Variants in SPAG16 observed in about 807,000 individuals in gnomAD.
The protein encoded by SPAG16 is sperm associated antigen 16.
Under a neutral mutation model 80.4 loss-of-function variants are expected in SPAG16, and 86 were observed. The ratio of observed to expected loss-of-function variants is 1.07; its 90% CI spans 0.90 to 1.28. SPAG16 has a LOEUF of 1.28. Ranked by LOEUF, SPAG16 falls within the 50% of genes most tolerant of loss-of-function variation. The pLI, the probability that SPAG16 is intolerant of heterozygous loss-of-function variation, is 0.00. For synonymous variants in SPAG16, 294 were observed against 265.9 expected, an observed-to-expected ratio of 1.11 and a Z score of -1.03; for missense variants, 870 against 765.3, an observed-to-expected ratio of 1.14 and a Z score of -1.61.
At chr2:213,528,203 T>C (rs900429120) in intron 10 of SPAG16, among the ~76,000 whole-genome samples, 20 of 152,050 alleles carry the variant, frequency 1.3e-4, no homozygotes, top group Admixed American at 5.9e-4. Context: ...TGGGTAATTT[T>C]CAGGATAGGT....
chr2:213,497,219 G>A (rs1013205532), intron 10 of SPAG16, among the ~76,000 whole-genome samples: 7 of 152,056 alleles, frequency 4.6e-5, no homozygotes, highest in Admixed American at 2.0e-4. Flanking sequence ...GAAGAAAGGT[G>A]TACAATATGC....
chr2:213,704,236 C>T (rs543190882), intron 10 of SPAG16, among the ~76,000 whole-genome samples: 1 of 152,206 alleles, frequency 6.6e-6, no homozygotes, highest in South Asian at 2.1e-4. Flanking sequence ...ATAATTTTCT[C>T]AAGTGTAAAG....
chr2:213,635,959 A>T (rs1444602137), intron 10 of SPAG16, among the ~76,000 whole-genome samples: 2 of 152,098 alleles, frequency 1.3e-5, no homozygotes, highest in African/African-American at 4.8e-5. Flanking sequence ...TTAATTAAGT[A>T]CCGTCTATTT....
In SPAG16 at chr2:213,976,135, T is replaced by TATATATACAC. The variant is rs749957411; in HGVS notation, c.1401-37815_1401-37814insTATATACACA. 3.0e-3 allele frequency among the ~76,000 whole-genome samples: 243 copies of TATATATACAC among 81,384 alleles called. 1 individual carries two copies. The highest frequency in any genetic ancestry group is 9.0e-3 in the African/African-American group (237 of 26,422). The allele number at this position is 81,384 out of a possible 152,430, so 53.4% of individuals were successfully genotyped here. On this transcript the variant is annotated intron_variant, in intron 12 of 15. Transcript: ENST00000331683. The stretch of plus-strand genomic sequence containing the variant: ...ATATATATATATATATATATATATA[T>TATATATACAC]ACACACACACACACACACACGTATG...
intron 10 of SPAG16, among the ~76,000 whole-genome samples, chr2:213,774,999 C>T (rs2069485692): frequency 6.6e-6 from 1 of 152,124 alleles, no homozygotes; most frequent in African/African-American, 2.4e-5. Context: ...TGTCTCGGCA[C>T]TACTGTATTG....
Position 214,080,630 on chromosome 2 carries a change from A to T in SPAG16, c.1528-27566A>T, listed in dbSNP as rs982722649. 4.5e-4 allele frequency among the ~76,000 whole-genome samples: 68 copies of T among 151,500 alleles called. 1 individual carries two copies. Among genetic ancestry groups the T allele is most frequent in the African/African-American group, 5.8e-4 (24 of 41,344 alleles). ...CTCAAAAAAAAAAAAAAATTAAAAT[A>T]AAATAAAAAGAAAAAAGAAAAATTC... On this transcript the variant is annotated intron_variant, in intron 13 of 15. Transcript: ENST00000331683.
intron 10 of SPAG16, among the ~76,000 whole-genome samples, chr2:213,777,674 T>G (rs1197920307): frequency 6.6e-6 from 1 of 152,130 alleles, no homozygotes; most frequent in African/African-American, 2.4e-5. Context: ...CCCAAAGTGT[T>G]GGGATTACAG....
At chr2:213,809,214 TG>T (rs2071967160) in intron 10 of SPAG16, among the ~76,000 whole-genome samples, 1 of 152,188 alleles carries the variant, frequency 6.6e-6, no homozygotes, top group African/African-American at 2.4e-5. Flanking sequence ...TTTGTGTGCT[TG>T]CCAATTATTA....
intron 15 of SPAG16, among the ~76,000 whole-genome samples, chr2:214,317,798 A>G (rs1695794041): frequency 6.6e-6 from 1 of 152,052 alleles, no homozygotes. Flanking sequence ...GTTGAGAAAA[A>G]TTTTTCCAGT....
At position 214,290,708 on chromosome 2, in the gene SPAG16, T is replaced by C. The variant is rs529925040; in HGVS notation, c.1721-119432T>C. ...TAGTTTCCAACGTTCCTCTTACTGA[T>C]TTCTAGTTTTACTCTATTGTAGTCT... On this transcript the variant is annotated intron_variant, in intron 15 of 15. Transcript: ENST00000331683. Among the ~76,000 whole-genome samples the C allele has an allele frequency of 9.1e-4, 139 of 152,334 alleles. 1 individual carries two copies. Among genetic ancestry groups the C allele is most frequent in the Non-Finnish European group, 1.6e-3 (111 of 68,022 alleles).
At chr2:213,543,732 C>T (rs2076527654) in intron 10 of SPAG16, among the ~76,000 whole-genome samples, 1 of 151,940 alleles carries the variant, frequency 6.6e-6, no homozygotes, top group Non-Finnish European at 1.5e-5. Context: ...TGAGCCTCCC[C>T]ACTTTCTTTG....
intron 10 of SPAG16, among the ~76,000 whole-genome samples, chr2:213,736,526 G>A (rs1302860419): frequency 6.6e-6 from 1 of 152,012 alleles, no homozygotes; most frequent in East Asian, 1.9e-4. Flanking sequence ...GACCTCAGAT[G>A]ATCCACCTGC....
At chr2:213,417,339 C>G (rs2069319584) in intron 9 of SPAG16, among the ~76,000 whole-genome samples, 1 of 152,208 alleles carries the variant, frequency 6.6e-6, no homozygotes, top group South Asian at 2.1e-4. Context: ...GCCAGGACTT[C>G]TGACAACTGT....
intron 9 of SPAG16, among the ~76,000 whole-genome samples, chr2:213,403,374 G>A (rs1002076200): frequency 6.6e-6 from 1 of 151,970 alleles, no homozygotes; most frequent in African/African-American, 2.4e-5. Context: ...CCATTCTGTC[G>A]GTTGCCTGTT....
At chr2:214,306,373 C>G (rs1394864691) in intron 15 of SPAG16, among the ~76,000 whole-genome samples, 3 of 152,150 alleles carry the variant, frequency 2.0e-5, no homozygotes, top group African/African-American at 7.2e-5. Context: ...TTATTTCTTT[C>G]TCTTCCCTGA....
At chr2:213,912,810 G>A (rs898244291) in intron 11 of SPAG16, among the ~76,000 whole-genome samples, 3 of 152,082 alleles carry the variant, frequency 2.0e-5, no homozygotes, top group Non-Finnish European at 4.4e-5. Flanking sequence ...AAGTGGCCCA[G>A]CTGACCTACA....
chr2:213,679,992 T>C (rs568642947), intron 10 of SPAG16, among the ~76,000 whole-genome samples: 180 of 152,124 alleles, frequency 1.2e-3, no homozygotes, highest in Middle Eastern at 3.4e-3. Context: ...ACAGATGAAA[T>C]TGATAGCAGA....
intron 15 of SPAG16, among the ~76,000 whole-genome samples, chr2:214,172,843 G>A (rs1300100606): frequency 6.6e-6 from 1 of 152,076 alleles, no homozygotes; most frequent in East Asian, 1.9e-4. Flanking sequence ...GCATTTCTCT[G>A]ATGGCCAGTG....
At chr2:213,454,032 T>A (rs139997689) in intron 9 of SPAG16, among the ~76,000 whole-genome samples, 2,661 of 152,284 alleles carry the variant, frequency 0.017, 66 homozygotes, top group African/African-American at 0.05. Context: ...CATGACTCGC[T>A]ATAACCTCTG....
Sources: allele counts gnomAD v4.1 joint callset (sites outside exome capture counted in the v4.1 genomes callset), GRCh38; gene constraint gnomAD v4.1.1; transcripts MANE v1.5; gene names NCBI Gene and HGNC (gene_info 2026-07-23, HGNC 2026-07-21).